ZFAND1: variants seen among roughly 807,000 people sequenced by gnomAD.
ZFAND1 encodes AN1-type zinc finger protein 1.
In ZFAND1, 40 loss-of-function variants were observed where a neutral mutation model predicts 38.5. The ratio of observed to expected loss-of-function variants is 1.04; its 90% CI spans 0.81 to 1.35. ZFAND1 has a LOEUF of 1.35. ZFAND1 is among the 40% of genes most tolerant of loss of function. ZFAND1 has a pLI of 0.00. For missense variants in ZFAND1, 346 were observed against 316.3 expected, an observed-to-expected ratio of 1.09 and a Z score of -0.71; for synonymous variants, 117 against 103.6, an observed-to-expected ratio of 1.13 and a Z score of -0.78.
At chr8:81,708,654 C>T in intron 6 of ZFAND1, 1 of 634,346 alleles carries the variant, frequency 1.6e-6, no homozygotes, top group Non-Finnish European at 2.0e-6. Context: ...TATGAAATAT[C>T]TTTTTATAGC....
Position 81,702,567 on chromosome 8 carries a change from T to C in ZFAND1, c.*128A>G, listed in dbSNP as rs1471694947. On this transcript the variant is annotated 3_prime_UTR_variant, in exon 8 of 8. Coordinates refer to ENST00000220669, the MANE Select transcript of ZFAND1 (RefSeq NM_024699.3). Reference sequence around the variant, plus strand: ...AATAGAAAACTCATAATTTAAAATGTGACATAAGGGGAAATAAGTTAAAAA... The same window carrying C: ...AATAGAAAACTCATAATTTAAAATGCGACATAAGGGGAAATAAGTTAAAAA... 2.6e-6 allele frequency: 2 copies of C among 757,720 alleles called. No individual in the cohort carries two copies. The highest frequency in any genetic ancestry group is 3.7e-5 in the African/African-American group (2 of 54,382). The allele number at this position is 757,720 out of a possible 1,614,324, so 46.9% of individuals were successfully genotyped here. A position where few individuals can be genotyped will look rare whatever the true frequency, so the allele number is the denominator to read the frequency against.
chr8:81,702,607 T>C lies in ZFAND1; in HGVS notation c.*88A>G. 9.0e-7 allele frequency: 1 copy of C among 1,107,238 alleles called. No homozygotes were observed. The highest frequency in any genetic ancestry group is 1.2e-6 in the Non-Finnish European group (1 of 838,862). The allele number at this position is 1,107,238 out of a possible 1,614,324, so 68.6% of individuals were successfully genotyped here. A position where few individuals can be genotyped will look rare whatever the true frequency, so the allele number is the denominator to read the frequency against. On this transcript the variant is annotated 3_prime_UTR_variant, in exon 8 of 8. Coordinates refer to ENST00000220669, the MANE Select transcript of ZFAND1 (RefSeq NM_024699.3). ...TAAGTTAAAAAGCAACTTTTAAAAA[T>C]TACAAAAATAGTATTTGTAGTAAAA...
chr8:81,702,585 G>A lies in ZFAND1; in HGVS notation c.*110C>T. ...TAAAATGTGACATAAGGGGAAATAAGTTAAAAAGCAACTTTTAAAAATTAC... is the reference window on the plus strand; with the variant it reads ...TAAAATGTGACATAAGGGGAAATAAATTAAAAAGCAACTTTTAAAAATTAC... On this transcript the variant is annotated 3_prime_UTR_variant, in exon 8 of 8. Coordinates refer to ENST00000220669, the MANE Select transcript of ZFAND1 (RefSeq NM_024699.3). The A allele has an allele frequency of 1.0e-6, 1 of 985,468 alleles. No homozygotes were observed. The highest frequency in any genetic ancestry group is 1.4e-6 in the Non-Finnish European group (1 of 730,896). The allele number at this position is 985,468 out of a possible 1,614,324, so 61.0% of individuals were successfully genotyped here.
chr8:81,719,052 C>T (rs1808394381), intron 1 of ZFAND1, among the ~76,000 whole-genome samples: 1 of 151,886 alleles, frequency 6.6e-6, no homozygotes. Flanking sequence ...CCACACCGAC[C>T]TCACAGTGTA....
chr8:81,708,892 C>T lies in ZFAND1; in HGVS notation c.480+5026G>A, dbSNP rs1585922715. 3 of 838,856 alleles carry T rather than the reference C, an allele frequency of 3.6e-6. No individual in the cohort carries two copies. In the East Asian group the frequency reaches 2.4e-4, roughly 67 times the overall value. 52.0% of individuals were successfully genotyped at this position (838,856 alleles called of 1,614,324 possible). The stretch of plus-strand genomic sequence containing the variant: ...GCAAGTACTAAAGATGATTAAAAAA[C>T]TAGAGCCACAAAACTATACTTAGTA... On this transcript the variant is annotated intron_variant, in intron 6 of 7. Transcript: ENST00000220669.
chr8:81,714,764 G>T (rs1480607911), intron 5 of ZFAND1, 40 bp downstream of exon 5: 8 of 1,577,538 alleles, frequency 5.1e-6, no homozygotes, highest in Admixed American at 3.3e-5. Context: ...AGGAGCTCTG[G>T]AACTAGGAAA....
Position 81,714,867 on chromosome 8 carries a change from C to G in ZFAND1, c.295G>C (p.Glu99Gln). 1.2e-6 allele frequency: 2 copies of G among 1,614,038 alleles called. No individual in the cohort carries two copies. The highest frequency in any genetic ancestry group is 1.7e-6 in the Non-Finnish European group (2 of 1,179,936). Residue 99 changes from glutamate (E) to glutamine (Q), a missense_variant, in exon 5 of 8, where the codon GAA (glutamate) becomes CAA (glutamine). By Grantham distance (29) the Glu-to-Gln change is conservative (BLOSUM62 2). Coordinates refer to ENST00000220669, the MANE Select transcript of ZFAND1 (RefSeq NM_024699.3). ...CGAGGCTTTGGGATTTCCAGTTTTT[C>G]ACACTCATGATCTGACTGATGACGG... The part of the protein sequence containing the change: ...RHRHQSDHEC[E>Q]KLEIPKPRMA...
At position 81,701,395 on chromosome 8, in the gene ZFAND1, T is replaced by A. The variant is rs1807805759; in HGVS notation, c.*1300A>T. The A allele has an allele frequency of 6.6e-6, 1 of 152,244 alleles. No individual in the cohort carries two copies. Among genetic ancestry groups the A allele is most frequent in the African/African-American group, 2.4e-5 (1 of 41,468 alleles). 9.4% of individuals were successfully genotyped at this position (152,244 alleles called of 1,614,324 possible). On this transcript the variant is annotated 3_prime_UTR_variant, in exon 8 of 8. Transcript: ENST00000220669. ...TATATACATTTTTTAGACATAATGC[T>A]ATTGCACATTAAATAGACTATAGTA...
chr8:81,711,686 A>G (rs1808144739), intron 6 of ZFAND1, among the ~76,000 whole-genome samples: 1 of 152,234 alleles, frequency 6.6e-6, no homozygotes, highest in Non-Finnish European at 1.5e-5. Context: ...CAGAATGACT[A>G]AAGACACATA....
At chr8:81,717,388 G>A in intron 2 of ZFAND1, 100 bp from the exon 3 acceptor site, 1 of 790,454 alleles carries the variant, frequency 1.3e-6, no homozygotes, top group Non-Finnish European at 1.9e-6. Context: ...GATACATTAT[G>A]CTCATACTAC....
At chr8:81,711,546 A>C (rs1808142122) in intron 6 of ZFAND1, among the ~76,000 whole-genome samples, 1 of 152,218 alleles carries the variant, frequency 6.6e-6, no homozygotes, top group Non-Finnish European at 1.5e-5. Flanking sequence ...ACAGAAAACA[A>C]AACACAGAGG....
intron 6 of ZFAND1, among the ~76,000 whole-genome samples, chr8:81,713,243 G>A (rs60319049): frequency 0.13 from 19,171 of 149,986 alleles, 2,069 homozygotes; most frequent in East Asian, 0.57. Context: ...CTGCCTCAGC[G>A]TCCCGAGTAG....
chr8:81,721,222 A>C lies in ZFAND1; in HGVS notation c.55+5T>G. ...GGGGATGGGGGCTGGAAGCTCCCGG[A>C]TCACCTCGCTGCCGGCAATGCTCCA... On this transcript the variant is annotated splice_donor_5th_base_variant and intron_variant, in intron 1 of 7. Coordinates refer to ENST00000220669, the MANE Select transcript of ZFAND1 (RefSeq NM_024699.3). 1 of 1,547,968 alleles carries C rather than the reference A, an allele frequency of 6.5e-7. No homozygotes were observed.
rs985826879 is a variant in ZFAND1 at position 81,701,786 on chromosome 8, G to C, written c.*909C>G. ...CCACTACATATGTCCCTGACAATTA[G>C]AACAGAAAACAAAAAAAGGACAAAT... is the stretch of plus-strand genomic sequence containing the variant. On this transcript the variant is annotated 3_prime_UTR_variant, in exon 8 of 8. Transcript: ENST00000220669. The C allele has an allele frequency of 3.3e-5, 5 of 152,068 alleles. No individual in the cohort carries two copies. The highest frequency in any genetic ancestry group is 5.9e-5 in the Non-Finnish European group (4 of 67,998). 9.4% of individuals were successfully genotyped at this position (152,068 alleles called of 1,614,324 possible).
chr8:81,714,891 G>A lies in ZFAND1; in HGVS notation c.271C>T (p.Arg91Cys), dbSNP rs750426099. Residue 91 changes from arginine (R) to cysteine (C), a missense_variant, in exon 5 of 8, where the codon CGT (arginine) becomes TGT (cysteine). Coordinates refer to ENST00000220669, the MANE Select transcript of ZFAND1 (RefSeq NM_024699.3). ...TCACACTCATGATCTGACTGATGAC[G>A]GTGTCTATGAGCAACAGAAGAGTGA... ...YCEKNFCLRH[R>C]HQSDHECEKL... 47 of 1,613,860 alleles carry A rather than the reference G, an allele frequency of 2.9e-5. No individual in the cohort carries two copies. The highest frequency in any genetic ancestry group is 9.3e-5 in the African/African-American group (7 of 74,908).
intron 3 of ZFAND1, among the ~76,000 whole-genome samples, chr8:81,715,592 A>G (rs917368584): frequency 5.3e-5 from 8 of 151,926 alleles, no homozygotes; most frequent in African/African-American, 9.7e-5. Context: ...TCTATGCCCT[A>G]TTTCATATTT....
intron 6 of ZFAND1, among the ~76,000 whole-genome samples, chr8:81,713,131 GTT>G (rs34989458): frequency 1.4e-4 from 21 of 151,850 alleles, no homozygotes; most frequent in African/African-American, 4.6e-4. Context: ...GTTTTTGTTC[GTT>G]TTTTTTTGAG....
chr8:81,707,156 C>T (rs1327373632), intron 6 of ZFAND1, among the ~76,000 whole-genome samples: 1 of 152,226 alleles, frequency 6.6e-6, no homozygotes, highest in Non-Finnish European at 1.5e-5. Flanking sequence ...AACTGTACTT[C>T]ACCTAACTTC....
At chr8:81,709,791 A>C (rs1033910053) in intron 6 of ZFAND1, among the ~76,000 whole-genome samples, 5 of 152,194 alleles carry the variant, frequency 3.3e-5, no homozygotes, top group Non-Finnish European at 7.4e-5. Flanking sequence ...TGGTTTGTGA[A>C]ACCAGACTGC....
Sources: gnomAD v4.1 joint callset for allele counts (sites outside exome capture counted in the v4.1 genomes callset) on GRCh38, gnomAD v4.1.1 for gene constraint, MANE v1.5 for transcripts, NCBI Gene and HGNC (gene_info 2026-07-23, HGNC 2026-07-21) for gene names.